The following PALLD variants were observed in gnomAD, a reference collection of about 807,000 sequenced individuals.
The protein encoded by PALLD is palladin, cytoskeletal associated protein, also known as palladin.
In PALLD, 61 loss-of-function variants were observed where a neutral mutation model predicts 123.5. The observed-to-expected ratio is 0.49, with a 90% confidence interval of 0.40 to 0.61. PALLD has a LOEUF of 0.61. Ranked by LOEUF, PALLD falls within the 20% of genes least tolerant of loss-of-function variation. The pLI, the probability that PALLD is intolerant of heterozygous loss-of-function variation, is 0.00. For missense variants in PALLD, 1,273 were observed against 1,377.0 expected, an observed-to-expected ratio of 0.92 and a Z score of 1.20; for synonymous variants, 465 against 496.4, an observed-to-expected ratio of 0.94 and a Z score of 0.84.
chr4:168,727,538 C>T (rs1464629935), intron 10 of PALLD, among the ~76,000 whole-genome samples: 1 of 152,060 alleles, frequency 6.6e-6, no homozygotes, highest in Non-Finnish European at 1.5e-5. Context: ...TGTTCATGTC[C>T]TTTGCTCATT....
At chr4:168,628,077 T>C (rs1301691537) in intron 2 of PALLD, among the ~76,000 whole-genome samples, 1 of 152,220 alleles carries the variant, frequency 6.6e-6, no homozygotes, top group Non-Finnish European at 1.5e-5. Flanking sequence ...TTTATCAAAA[T>C]TCAAAATGTA....
chr4:168,625,500 G>GAAAT (rs1554052783), intron 2 of PALLD, among the ~76,000 whole-genome samples: 11 of 35,254 alleles, frequency 3.1e-4, no homozygotes, highest in Admixed American at 1.3e-3. Flanking sequence ...TAATATCCAG[G>GAAAT]AGATATATAT....
At chr4:168,697,500 G>A (rs144901778) in intron 8 of PALLD, among the ~76,000 whole-genome samples, 201 of 152,274 alleles carry the variant, frequency 1.3e-3, no homozygotes, top group African/African-American at 4.7e-3. Context: ...ATTGCCTCTG[G>A]TCCAGCCCGT....
intron 2 of PALLD, chr4:168,537,613 G>T (rs918482606): frequency 1.1e-4 from 16 of 152,178 alleles, no homozygotes; most frequent in African/African-American, 3.9e-4. Context: ...CTACTAATGA[G>T]ACTGTCAAGG....
At chr4:168,839,611 CG>C (rs1230886625) in intron 10 of PALLD, among the ~76,000 whole-genome samples, 1 of 136,978 alleles carries the variant, frequency 7.3e-6, no homozygotes, top group African/African-American at 2.8e-5. Flanking sequence ...GGGTAAGGGA[CG>C]GGGGTGCATC....
At chr4:168,520,810 G>A (rs540855139) in intron 2 of PALLD, among the ~76,000 whole-genome samples, 1 of 152,278 alleles carries the variant, frequency 6.6e-6, no homozygotes, top group East Asian at 1.9e-4. Context: ...ATAAAGCTGT[G>A]AAAATGTTGC....
intron 10 of PALLD, among the ~76,000 whole-genome samples, chr4:168,764,395 C>T (rs1295338881): frequency 6.6e-6 from 1 of 152,040 alleles, no homozygotes; most frequent in East Asian, 1.9e-4. Flanking sequence ...CCTATGTTGG[C>T]CCCTAGGAAC....
rs774344207 is a variant in PALLD at position 168,511,531 on chromosome 4, C to T, written c.27C>T (p.Ser9=). ...TGTCAGGGACCTCCTCCCATGAGTC[C>T]TTCTATGACTCCCTCTCAGACATGC... is the stretch of plus-strand genomic sequence containing the variant. MSGTSSHE[S]FYDSLSDMQE... Residue 9 remains serine, a synonymous_variant, in exon 2 of 22, where the codon TCC becomes TCT. Transcript: ENST00000505667. The T allele has an allele frequency of 4.3e-6, 7 of 1,613,860 alleles. No individual in the cohort carries two copies. The highest frequency in any genetic ancestry group is 3.3e-5 in the South Asian group (3 of 91,058).
rs146093248 is a variant in PALLD, at chr4:168,525,785, G to A, written c.908+13373G>A. Among the ~76,000 whole-genome samples, 5 of 152,290 alleles carry A rather than the reference G, an allele frequency of 3.3e-5. No homozygotes were observed. The East Asian group carries it at 7.7e-4, about 24-fold the overall frequency. On this transcript the variant is annotated intron_variant, in intron 2 of 21. Coordinates refer to ENST00000505667, the MANE Select transcript of PALLD (RefSeq NM_001166108.2). ...ATCACTCTAGTATGAGAGCTATTGT[G>A]TTTGGATTGTATTTTCTTTTCTAAA...
chr4:168,678,205 A>G (rs1781062478), intron 3 of PALLD, among the ~76,000 whole-genome samples: 1 of 152,034 alleles, frequency 6.6e-6, no homozygotes, highest in Non-Finnish European at 1.5e-5. Context: ...CTTTCTAGTT[A>G]TGTGACCTTC....
chr4:168,812,526 G>A (rs1741316307), intron 10 of PALLD, among the ~76,000 whole-genome samples: 1 of 152,190 alleles, frequency 6.6e-6, no homozygotes, highest in Admixed American at 6.5e-5. Flanking sequence ...CTCCAGGATG[G>A]CAATCTGAGT....
At chr4:168,534,794 C>T (rs1424902827) in intron 2 of PALLD, among the ~76,000 whole-genome samples, 1 of 152,134 alleles carries the variant, frequency 6.6e-6, no homozygotes, top group Non-Finnish European at 1.5e-5. Context: ...CCTTTGAATC[C>T]TCTATAGCTA....
At chr4:168,515,295 C>T (rs1762888969) in intron 2 of PALLD, among the ~76,000 whole-genome samples, 1 of 152,198 alleles carries the variant, frequency 6.6e-6, no homozygotes, top group Non-Finnish European at 1.5e-5. Flanking sequence ...AATTTTCTAT[C>T]AGGAAGAAAA....
chr4:168,556,535 C>A (rs2149558977), intron 2 of PALLD, among the ~76,000 whole-genome samples: 1 of 152,276 alleles, frequency 6.6e-6, no homozygotes, highest in East Asian at 1.9e-4. Flanking sequence ...CCTGTACCAG[C>A]GAAGCAGGAT....
At chr4:168,894,736 T>G (rs1354566929) in intron 12 of PALLD, 59 bp downstream of exon 12, 22 of 1,578,198 alleles carry the variant, frequency 1.4e-5, no homozygotes, top group Admixed American at 7.2e-5. Context: ...TTTTCCATCT[T>G]CCTTATGGAT....
At chr4:168,638,438 G>A (rs1000027507) in intron 2 of PALLD, among the ~76,000 whole-genome samples, 1 of 152,090 alleles carries the variant, frequency 6.6e-6, no homozygotes, top group African/African-American at 2.4e-5. Flanking sequence ...CCTTCCAGGG[G>A]GTCTCCTCAG....
At chr4:168,797,190 T>C (rs537849892) in intron 10 of PALLD, among the ~76,000 whole-genome samples, 9 of 151,834 alleles carry the variant, frequency 5.9e-5, no homozygotes, top group African/African-American at 1.9e-4. Flanking sequence ...CACAGTTGGA[T>C]GAGCAAAGAA....
chr4:168,630,161 G>C (rs1775677698), intron 2 of PALLD, among the ~76,000 whole-genome samples: 1 of 152,186 alleles, frequency 6.6e-6, no homozygotes, highest in South Asian at 2.1e-4. Context: ...AGATGAGAAA[G>C]GTGGTAAGGA....
At chr4:168,814,705 G>A (rs530507554) in intron 10 of PALLD, among the ~76,000 whole-genome samples, 112 of 152,268 alleles carry the variant, frequency 7.4e-4, no homozygotes, top group Non-Finnish European at 1.2e-3. Flanking sequence ...CCTCTTTCCC[G>A]AATGTCTATA....
Sources: gnomAD v4.1 joint callset for allele counts (sites outside exome capture counted in the v4.1 genomes callset) on GRCh38, gnomAD v4.1.1 for gene constraint, MANE v1.5 for transcripts, NCBI Gene and HGNC (gene_info 2026-07-23, HGNC 2026-07-21) for gene names.